The following NBEA variants were observed in gnomAD, a reference collection of about 807,000 sequenced individuals.
NBEA encodes lysosomal-trafficking regulator 2.
A neutral mutation model predicts 343.4 loss-of-function variants in NBEA; 44 were observed. That is an observed-to-expected ratio of 0.13 (90% CI 0.10 to 0.16). NBEA has a LOEUF of 0.16. NBEA is among the 10% of genes least tolerant of loss of function. The probability of loss-of-function intolerance (pLI) is 1.00; values close to 1 mark genes in which losing one functional copy is unlikely to be tolerated. For missense variants in NBEA, 2,555 were observed against 3,631.3 expected (o/e 0.70, Z 7.62); for synonymous variants, 1,175 against 1,238.7 (o/e 0.95, Z 1.08).
At position 35,555,071 on chromosome 13, in the gene NBEA, C is replaced by A. The variant is rs748187313; in HGVS notation, c.6891C>A (p.Phe2297Leu). 1.9e-6 allele frequency: 3 copies of A among 1,608,364 alleles called. No homozygotes were observed. In the African/African-American group the frequency reaches 4.0e-5, roughly 22 times the overall value. ...QRWQRREISN[F>L]EYLMFLNTIA... ...GGCAAAGAAGGGAAATTTCAAACTT[C>A]GAATATTTGATGTTCCTTAATACTA... The change falls in exon 44 of 59, where the codon TTC becomes TTA. Residue 2297 changes from phenylalanine to leucine, a missense_variant. By Grantham distance (22) the Phe-to-Leu change is conservative (BLOSUM62 0). Coordinates refer to ENST00000379939, the MANE Select transcript of NBEA (RefSeq NM_001385012.1).
intron 41 of NBEA, among the ~76,000 whole-genome samples, chr13:35,532,040 ATAAAAGACATAGAAAGTAGAGTAGGG>A (rs1387023497): frequency 6.6e-6 from 1 of 152,220 alleles, no homozygotes; most frequent in East Asian, 1.9e-4. Flanking sequence ...TTGGCGGCTC[ATAAAAGACATAGAAAGTAGAGTAGGG>A]ATTAGCTTCA....
Position 35,672,372 on chromosome 13 carries a change from CAT to C in NBEA, c.*1384_*1385del, listed in dbSNP as rs1259358981. 18 of 152,632 alleles carry C rather than the reference CAT, an allele frequency of 1.2e-4. No homozygotes were observed. Among genetic ancestry groups the C allele is most frequent in the African/African-American group, 4.3e-4 (18 of 41,446 alleles). 9.5% of individuals were successfully genotyped at this position (152,632 alleles called of 1,614,324 possible). A position where few individuals can be genotyped will look rare whatever the true frequency, so the allele number is the denominator to read the frequency against. On this transcript the variant is annotated 3_prime_UTR_variant, in exon 59 of 59. Coordinates refer to ENST00000379939, the MANE Select transcript of NBEA (RefSeq NM_001385012.1). ...TTGTATTGGCACTTTGCACCAGAAA[CAT>C]ATCATTATTTATTGATGTGATTACT...
At chr13:35,413,686 A>G (rs932719027) in intron 38 of NBEA, among the ~76,000 whole-genome samples, 4 of 152,176 alleles carry the variant, frequency 2.6e-5, no homozygotes, top group African/African-American at 7.2e-5. Flanking sequence ...ATTAATTATC[A>G]TAATACAACC....
At chr13:35,023,292 A>T (rs898972082) in intron 1 of NBEA, among the ~76,000 whole-genome samples, 1 of 152,264 alleles carries the variant, frequency 6.6e-6, no homozygotes, top group Non-Finnish European at 1.5e-5. Context: ...TTATAAAGGG[A>T]CACTGTCAGT....
At chr13:35,272,487 T>C (rs2034242637) in intron 34 of NBEA, among the ~76,000 whole-genome samples, 1 of 152,080 alleles carries the variant, frequency 6.6e-6, no homozygotes, top group South Asian at 2.1e-4. Context: ...AATGACAGGA[T>C]CAAATTCACA....
intron 1 of NBEA, among the ~76,000 whole-genome samples, chr13:34,950,494 T>C (rs1395920596): frequency 6.6e-6 from 1 of 151,718 alleles, no homozygotes; most frequent in Non-Finnish European, 1.5e-5. Context: ...AATTAAAAAA[T>C]ATTTAAATAC....
At position 35,105,242 on chromosome 13, in the gene NBEA, A is replaced by G. The variant is rs779351488; in HGVS notation, c.1681-4048A>G. 7.8e-4 allele frequency among the ~76,000 whole-genome samples: 119 copies of G among 152,086 alleles called. 1 individual carries two copies. The highest frequency in any genetic ancestry group is 1.3e-3 in the Non-Finnish European group (85 of 67,930). On this transcript the variant is annotated intron_variant, in intron 11 of 58. Transcript: ENST00000379939. ...TCTTTCTGTCCTTTAATTTCTTGCTAATGTCTTCAATTAGTCAAACCCAAC... is the reference window on the plus strand; with the variant it reads ...TCTTTCTGTCCTTTAATTTCTTGCTGATGTCTTCAATTAGTCAAACCCAAC...
chr13:35,389,175 A>G (rs1329264895), intron 38 of NBEA, among the ~76,000 whole-genome samples: 2 of 152,146 alleles, frequency 1.3e-5, no homozygotes, highest in African/African-American at 4.8e-5. Context: ...GATGAAAGCC[A>G]TTCTGATCAT....
chr13:35,122,032 A>G (rs906160835), intron 16 of NBEA, among the ~76,000 whole-genome samples: 2 of 151,534 alleles, frequency 1.3e-5, no homozygotes, highest in Non-Finnish European at 2.9e-5. Context: ...ACTTTTTTTA[A>G]TAGAAAAAAT....
At chr13:35,319,602 A>G (rs187058416) in intron 36 of NBEA, among the ~76,000 whole-genome samples, 4,764 of 152,286 alleles carry the variant, frequency 0.031, 108 homozygotes, top group Middle Eastern at 0.071. Flanking sequence ...GTAGATGTCT[A>G]TTAGGTCCAC....
At chr13:35,533,515 A>G (rs1469345187) in intron 41 of NBEA, among the ~76,000 whole-genome samples, 1 of 152,042 alleles carries the variant, frequency 6.6e-6, no homozygotes, top group Non-Finnish European at 1.5e-5. Flanking sequence ...TTCCTCCTAA[A>G]TATTAGTGTC....
intron 1 of NBEA, among the ~76,000 whole-genome samples, chr13:34,960,824 A>G (rs2059638489): frequency 6.6e-6 from 1 of 152,054 alleles, no homozygotes; most frequent in African/African-American, 2.4e-5. Context: ...CACATTTCTC[A>G]AAATGTATCT....
intron 16 of NBEA, 80 bp from the exon 17 acceptor site, chr13:35,123,402 T>A: frequency 1.5e-6 from 1 of 682,804 alleles, no homozygotes; most frequent in East Asian, 3.1e-5. Flanking sequence ...CACATATGTA[T>A]AATTTATCTG....
intron 53 of NBEA, among the ~76,000 whole-genome samples, chr13:35,652,143 C>A (rs1254588843): frequency 1.3e-5 from 2 of 151,908 alleles, no homozygotes; most frequent in Non-Finnish European, 2.9e-5. Flanking sequence ...TTCTTTCAGC[C>A]TAAAGTGTTC....
At chr13:35,141,140 A>G (rs2068067659) in intron 17 of NBEA, among the ~76,000 whole-genome samples, 2 of 152,228 alleles carry the variant, frequency 1.3e-5, no homozygotes, top group African/African-American at 4.8e-5. Context: ...GGAAGAAAGG[A>G]ACCAGAGTTT....
intron 1 of NBEA, among the ~76,000 whole-genome samples, chr13:34,980,158 T>C (rs1290262535): frequency 6.6e-6 from 1 of 152,100 alleles, no homozygotes; most frequent in African/African-American, 2.4e-5. Context: ...GTTGTTGTTG[T>C]TTTGCCCTAG....
intron 40 of NBEA, among the ~76,000 whole-genome samples, chr13:35,467,192 G>A (rs1026671935): frequency 2.0e-5 from 3 of 152,144 alleles, no homozygotes; most frequent in African/African-American, 7.2e-5. Context: ...ATGAGTCTAT[G>A]GCCAGGTGCG....
chr13:35,369,323 G>T (rs2041303501), intron 38 of NBEA, among the ~76,000 whole-genome samples: 1 of 151,602 alleles, frequency 6.6e-6, no homozygotes, highest in Non-Finnish European at 1.5e-5. Context: ...GTAGTGTGAT[G>T]CCTGCAGCTT....
intron 33 of NBEA, among the ~76,000 whole-genome samples, chr13:35,223,279 A>G (rs2074474762): frequency 6.6e-6 from 1 of 152,172 alleles, no homozygotes; most frequent in Admixed American, 6.5e-5. Flanking sequence ...TGTCTGGTAT[A>G]TTCCTTATAC....
Sources: gnomAD v4.1 joint callset for allele counts (sites outside exome capture counted in the v4.1 genomes callset) on GRCh38, gnomAD v4.1.1 for gene constraint, MANE v1.5 for transcripts, NCBI Gene and HGNC (gene_info 2026-07-23, HGNC 2026-07-21) for gene names.